Variants in CADPS observed in about 807,000 individuals in gnomAD.
CADPS encodes calcium dependent secretion activator.
A neutral mutation model predicts 167.3 loss-of-function variants in CADPS; 57 were observed. The ratio of observed to expected loss-of-function variants is 0.34; its 90% confidence interval spans 0.28 to 0.42. The LOEUF is 0.42. Ranked by LOEUF, CADPS falls within the 20% of genes least tolerant of loss-of-function variation. The pLI, the probability that CADPS is intolerant of heterozygous loss-of-function variation, is 1.00. For missense variants in CADPS, 1,414 were observed against 1,738.1 expected (o/e 0.81, Z 3.32); for synonymous variants, 676 against 635.3 (o/e 1.06, Z -0.96).
At chr3:62,609,930 AT>A (rs1343312668) in intron 6 of CADPS, among the ~76,000 whole-genome samples, 2 of 152,058 alleles carry the variant, frequency 1.3e-5, no homozygotes, top group Non-Finnish European at 2.9e-5. Flanking sequence ...TCTACAAAAA[AT>A]ACTAAAAATT....
At chr3:62,637,621 T>C (rs747077485) in intron 6 of CADPS, among the ~76,000 whole-genome samples, 3 of 152,216 alleles carry the variant, frequency 2.0e-5, no homozygotes, top group Non-Finnish European at 4.4e-5. Flanking sequence ...ACAACCGAAT[T>C]TATGGAAAGG....
intron 23 of CADPS, among the ~76,000 whole-genome samples, chr3:62,475,996 T>C (rs1463927541): frequency 6.6e-6 from 1 of 152,214 alleles, no homozygotes; most frequent in Non-Finnish European, 1.5e-5. Flanking sequence ...GAGAGGGCTC[T>C]GTAGGACCAA....
chr3:62,560,787 G>A (rs1008565775), intron 9 of CADPS, among the ~76,000 whole-genome samples: 5 of 152,112 alleles, frequency 3.3e-5, no homozygotes, highest in African/African-American at 1.2e-4. Context: ...GTTCCTTAAA[G>A]AGTGGATGGT....
rs79978927 is a variant in CADPS, at chr3:62,732,535, A to T, written c.888+20906T>A. On this transcript the variant is annotated intron_variant, in intron 3 of 29. Coordinates refer to ENST00000383710, the MANE Select transcript of CADPS (RefSeq NM_003716.4). ...AGATTCCTGACCCTCAAAAATTGTA[A>T]GATAAGAAACATGTGTTGTTTCAAA... 3.7e-3 allele frequency among the ~76,000 whole-genome samples: 567 copies of T among 152,338 alleles called. 13 individuals carry two copies. The East Asian group carries it at 0.063, about 17-fold the overall frequency.
intron 3 of CADPS, among the ~76,000 whole-genome samples, chr3:62,702,520 T>C (rs966634445): frequency 5.9e-5 from 9 of 152,018 alleles, no homozygotes; most frequent in African/African-American, 2.2e-4. Flanking sequence ...AGATTGGTGA[T>C]GATGGGAACA....
intron 3 of CADPS, among the ~76,000 whole-genome samples, chr3:62,703,840 C>A (rs973482627): frequency 6.6e-6 from 1 of 152,056 alleles, no homozygotes; most frequent in Non-Finnish European, 1.5e-5. Context: ...ATGCAGCAGT[C>A]GGCACATAAA....
At chr3:62,537,621 A>T (rs2074945566) in intron 11 of CADPS, among the ~76,000 whole-genome samples, 1 of 152,170 alleles carries the variant, frequency 6.6e-6, no homozygotes, top group Non-Finnish European at 1.5e-5. Flanking sequence ...TCTTACTGGA[A>T]TACGGGGACC....
At chr3:62,817,179 C>T (rs778251794) in intron 1 of CADPS, among the ~76,000 whole-genome samples, 19 of 151,750 alleles carry the variant, frequency 1.3e-4, no homozygotes, top group Non-Finnish European at 2.1e-4. Flanking sequence ...GTAAACATCA[C>T]GATAACAGAA....
chr3:62,685,377 A>G (rs1210291933), intron 3 of CADPS, among the ~76,000 whole-genome samples: 1 of 151,986 alleles, frequency 6.6e-6, no homozygotes, highest in East Asian at 1.9e-4. Context: ...TAGAGTTTAT[A>G]TGGAAGTGTT....
intron 1 of CADPS, among the ~76,000 whole-genome samples, chr3:62,843,492 G>GGTGTGTGTGTGTGTGTGTGTGTGTGTGT (rs150223612): frequency 1.3e-5 from 2 of 149,016 alleles, no homozygotes; most frequent in Non-Finnish European, 3.0e-5. Flanking sequence ...TGGCAGTTGG[G>GGTGTGTGTGTGTGTGTGTGTGTGTGTGT]GTGTGTGTGT....
chr3:62,723,400 G>A (rs935803315), intron 3 of CADPS, among the ~76,000 whole-genome samples: 4 of 152,130 alleles, frequency 2.6e-5, no homozygotes, highest in African/African-American at 2.4e-5. Context: ...CAGACGGGTA[G>A]AGGAAAATGG....
At chr3:62,512,367 C>T (rs1187295370) in intron 17 of CADPS, among the ~76,000 whole-genome samples, 1 of 152,022 alleles carries the variant, frequency 6.6e-6, no homozygotes, top group Non-Finnish European at 1.5e-5. Flanking sequence ...CATCAAAGAA[C>T]ACAAACTTCT....
intron 1 of CADPS, among the ~76,000 whole-genome samples, chr3:62,858,858 T>A (rs780886601): frequency 5.6e-4 from 85 of 152,238 alleles, no homozygotes; most frequent in Non-Finnish European, 9.7e-4. Context: ...AATTTGCAAA[T>A]AAAAAAATTA....
chr3:62,608,744 C>T (rs1243487877), intron 6 of CADPS, among the ~76,000 whole-genome samples: 1 of 152,128 alleles, frequency 6.6e-6, no homozygotes, highest in Non-Finnish European at 1.5e-5. Context: ...TTGGGCCCCA[C>T]AGGCCAAATG....
intron 3 of CADPS, among the ~76,000 whole-genome samples, chr3:62,685,409 T>C (rs2077820907): frequency 1.3e-5 from 2 of 151,874 alleles, no homozygotes; most frequent in Admixed American, 6.6e-5. Flanking sequence ...AAACGTGCCA[T>C]ATAAATAAAA....
chr3:62,774,393 A>T (rs2089751074), intron 1 of CADPS, among the ~76,000 whole-genome samples: 2 of 152,058 alleles, frequency 1.3e-5, no homozygotes, highest in South Asian at 4.1e-4. Flanking sequence ...TTCTTCTGGC[A>T]TGTGGTCAAA....
intron 4 of CADPS, among the ~76,000 whole-genome samples, chr3:62,653,744 G>GT (rs779177971): frequency 6.6e-6 from 1 of 152,084 alleles, no homozygotes; most frequent in Non-Finnish European, 1.5e-5. Context: ...CTGTGAGGAG[G>GT]AGGTAGATAG....
chr3:62,821,438 C>T (rs75075804), intron 1 of CADPS, among the ~76,000 whole-genome samples: 2,110 of 152,232 alleles, frequency 0.014, 46 homozygotes, highest in African/African-American at 0.047. Flanking sequence ...AAGCTTCCTC[C>T]AAAGGCTCTA....
At chr3:62,402,606 A>G (rs1313895691) in intron 29 of CADPS, among the ~76,000 whole-genome samples, 1 of 152,242 alleles carries the variant, frequency 6.6e-6, no homozygotes, top group Non-Finnish European at 1.5e-5. Context: ...TGTAAGACGA[A>G]CTACTTCAAT....
Sources: allele counts gnomAD v4.1 joint callset (sites outside exome capture counted in the v4.1 genomes callset), GRCh38; gene constraint gnomAD v4.1.1; transcripts MANE v1.5; gene names NCBI Gene and HGNC (gene_info 2026-07-23, HGNC 2026-07-21).